TRAPPC13: variants seen among roughly 807,000 people sequenced by gnomAD.
The protein encoded by TRAPPC13 is trafficking protein particle complex subunit 13, also known as REV7-interacting novel NHEJ regulator 1.
Under a neutral mutation model 54.0 loss-of-function variants are expected in TRAPPC13, and 39 were observed. The ratio of observed to expected loss-of-function variants is 0.72; its 90% confidence interval spans 0.56 to 0.94. The LOEUF (loss-of-function observed/expected upper bound fraction) is 0.94, where lower values mean the gene tolerates loss of function less well. TRAPPC13 is among the 40% of genes least tolerant of loss of function. The pLI, the probability that TRAPPC13 is intolerant of heterozygous loss-of-function variation, is 0.00. For missense variants in TRAPPC13, 386 were observed against 488.1 expected (o/e 0.79, Z 1.97); for synonymous variants, 148 against 167.7 (o/e 0.88, Z 0.91).
At chr5:65,630,782 G>A in intron 1 of TRAPPC13, 1 of 644,284 alleles carries the variant, frequency 1.6e-6, no homozygotes, top group Non-Finnish European at 1.9e-6. Context: ...TGTTTCCAAA[G>A]ATATGTAATA....
chr5:65,661,460 A>G (rs1756850006), intron 10 of TRAPPC13: 1 of 152,308 alleles, frequency 6.6e-6, no homozygotes. Flanking sequence ...TATGCTGAAT[A>G]TTACCTGTTT....
In TRAPPC13 at chr5:65,666,161, G is replaced by A. The variant is rs1757032536; in HGVS notation, c.*1550G>A. On this transcript the variant is annotated 3_prime_UTR_variant, in exon 13 of 13. Coordinates refer to ENST00000399438, the MANE Select transcript of TRAPPC13 (RefSeq NM_024941.4). ...ATTGGATACTTGGATTGTTTTTCAA[G>A]CATCTTCTTATGACTAAATCTTCTG... 1 of 152,458 alleles carries A rather than the reference G, an allele frequency of 6.6e-6. No homozygotes were observed. Among genetic ancestry groups the A allele is most frequent in the South Asian group, 2.1e-4 (1 of 4,828 alleles). The allele number at this position is 152,458 out of a possible 1,614,324, so 9.4% of individuals were successfully genotyped here.
intron 7 of TRAPPC13, 59 bp downstream of exon 7, chr5:65,652,604 A>G (rs1376160186): frequency 8.2e-7 from 1 of 1,219,516 alleles, no homozygotes; most frequent in African/African-American, 1.5e-5. Flanking sequence ...ATTTGACTAA[A>G]AATCTCTTAT....
intron 7 of TRAPPC13, chr5:65,652,877 T>G (rs1275779730): frequency 3.1e-6 from 1 of 318,768 alleles, no homozygotes; most frequent in Non-Finnish European, 6.0e-6. Context: ...TTCGGGATTT[T>G]ACAAAAATTG....
intron 8 of TRAPPC13, among the ~76,000 whole-genome samples, chr5:65,657,068 C>T (rs1440411634): frequency 1.3e-5 from 2 of 151,190 alleles, no homozygotes; most frequent in Admixed American, 6.6e-5. Context: ...CAGAGCAAGA[C>T]TCCATCTTGT....
chr5:65,629,450 G>T, intron 1 of TRAPPC13: 2 of 1,406,698 alleles, frequency 1.4e-6, no homozygotes. Context: ...CTTATTCTTT[G>T]CAATACTTCT....
chr5:65,665,259 T>G lies in TRAPPC13; in HGVS notation c.*648T>G, dbSNP rs566265291. Reference sequence around the variant, plus strand: ...AGTTGGCTGACCTCAATCTAGAAGATAGAGTTGTTTCTTAGAACTTTGTAA... The same window carrying G: ...AGTTGGCTGACCTCAATCTAGAAGAGAGAGTTGTTTCTTAGAACTTTGTAA... On this transcript the variant is annotated 3_prime_UTR_variant, in exon 13 of 13. Coordinates refer to ENST00000399438, the MANE Select transcript of TRAPPC13 (RefSeq NM_024941.4). The G allele has an allele frequency of 6.6e-6, 1 of 152,346 alleles. No individual in the cohort carries two copies. The highest frequency in any genetic ancestry group is 6.5e-5 in the Admixed American group (1 of 15,302). The allele number at this position is 152,346 out of a possible 1,614,324, so 9.4% of individuals were successfully genotyped here.
chr5:65,648,950 C>T (rs1356909233), intron 5 of TRAPPC13, among the ~76,000 whole-genome samples: 1 of 152,096 alleles, frequency 6.6e-6, no homozygotes, highest in Non-Finnish European at 1.5e-5. Flanking sequence ...TGTGGTGGCT[C>T]ATGCCTGTAA....
At position 65,647,151 on chromosome 5, in the gene TRAPPC13, C is replaced by T; in HGVS notation, c.397C>T (p.His133Tyr). ...KPDCCIDDVI[H>Y]HEVKEIGTHI... ...GGATTGTTGTATTGATGATGTCATA[C>T]ATCATGAAGTCAAAGAAATTGGAAC... Residue 133 changes from histidine to tyrosine, a missense_variant, in exon 5 of 13, where the codon CAT becomes TAT. By Grantham distance (83) the His-to-Tyr change is moderately conservative. Transcript: ENST00000399438. The T allele has an allele frequency of 2.5e-6, 4 of 1,583,120 alleles. No homozygotes were observed. The highest frequency in any genetic ancestry group is 3.4e-6 in the Non-Finnish European group (4 of 1,163,246).
intron 10 of TRAPPC13, 127 bp downstream of exon 10, chr5:65,661,024 C>A (rs2150693176): frequency 1.4e-6 from 1 of 702,334 alleles, no homozygotes; most frequent in Non-Finnish European, 2.3e-6. Flanking sequence ...ACTACTGGAG[C>A]AGAAAAGATT....
At chr5:65,664,027 G>A in intron 11 of TRAPPC13, 1 of 519,280 alleles carries the variant, frequency 1.9e-6, no homozygotes, top group Non-Finnish European at 3.4e-6. Context: ...ATTAGTCTGA[G>A]GCTATTTTAA....
rs1757020916 is a variant in TRAPPC13 at position 65,665,881 on chromosome 5, A to G, written c.*1270A>G. 6.6e-6 allele frequency: 1 copy of G among 152,614 alleles called. No individual in the cohort carries two copies. The highest frequency in any genetic ancestry group is 2.4e-5 in the African/African-American group (1 of 41,474). 9.5% of individuals were successfully genotyped at this position (152,614 alleles called of 1,614,324 possible). On this transcript the variant is annotated 3_prime_UTR_variant, in exon 13 of 13. Transcript: ENST00000399438. ...TTGGTAAGTTGAAATTCAAGAATGT[A>G]TATATAATTTCTTAAATGTAAGAGT...
chr5:65,656,042 G>T (rs530220274), intron 8 of TRAPPC13, among the ~76,000 whole-genome samples: 1 of 152,222 alleles, frequency 6.6e-6, no homozygotes, highest in African/African-American at 2.4e-5. Flanking sequence ...ATTTTCAGAT[G>T]CACAGTGGTT....
At chr5:65,629,885 C>T (rs373648699) in intron 1 of TRAPPC13, 1 of 1,536,074 alleles carries the variant, frequency 6.5e-7, no homozygotes, top group Non-Finnish European at 8.7e-7. Context: ...CTTGAAAAAG[C>T]AGCATTTAAC....
chr5:65,637,617 C>G (rs71626594), intron 3 of TRAPPC13, 79 bp from the exon 4 acceptor site: 23,892 of 713,186 alleles, frequency 0.034, 801 homozygotes, highest in African/African-American at 0.1. Flanking sequence ...GGTGACAGAG[C>G]GAGACTCTGT....
chr5:65,630,059 G>T, intron 1 of TRAPPC13: 1 of 1,536,026 alleles, frequency 6.5e-7, no homozygotes, highest in Non-Finnish European at 8.7e-7. Flanking sequence ...TAGTTTAAAG[G>T]CACTAAATTT....
At chr5:65,644,696 C>T (rs1335275778) in intron 4 of TRAPPC13, among the ~76,000 whole-genome samples, 1 of 151,908 alleles carries the variant, frequency 6.6e-6, no homozygotes, top group East Asian at 1.9e-4. Flanking sequence ...GCCTGGCCAA[C>T]ATGGTGTAAC....
chr5:65,633,663 T>C (rs1323816251), intron 1 of TRAPPC13, among the ~76,000 whole-genome samples: 1 of 152,128 alleles, frequency 6.6e-6, no homozygotes, highest in Admixed American at 6.5e-5. Flanking sequence ...TTTTATGTTT[T>C]TGTTTTTATT....
rs1480217238 is a variant in TRAPPC13 at position 65,629,456 on chromosome 5, C to T, written c.46+4350C>T. The T allele has an allele frequency of 7.8e-6, 11 of 1,413,424 alleles. No homozygotes were observed. In the East Asian group the frequency reaches 2.3e-4, roughly 29 times the overall value. The allele number at this position is 1,413,424 out of a possible 1,614,324, so 87.6% of individuals were successfully genotyped here. A position where few individuals can be genotyped will look rare whatever the true frequency, so the allele number is the denominator to read the frequency against. Reference sequence around the variant, plus strand: ...CTACCATATCTTATTCTTTGCAATACTTCTACTTTAGGTCCTGTTTCCCTC... The same window carrying T: ...CTACCATATCTTATTCTTTGCAATATTTCTACTTTAGGTCCTGTTTCCCTC... On this transcript the variant is annotated intron_variant, in intron 1 of 12. Transcript: ENST00000399438.
Sources: allele counts gnomAD v4.1 joint callset (sites outside exome capture counted in the v4.1 genomes callset), GRCh38; gene constraint gnomAD v4.1.1; transcripts MANE v1.5; gene names NCBI Gene and HGNC (gene_info 2026-07-23, HGNC 2026-07-21).